Variants in DENND2B observed in about 807,000 individuals in gnomAD.
The protein encoded by DENND2B is DENN domain-containing protein 2B.
Under a neutral mutation model 116.0 loss-of-function variants are expected in DENND2B, and 32 were observed. The observed-to-expected ratio is 0.28, with a 90% CI of 0.21 to 0.37. DENND2B has a LOEUF of 0.37. DENND2B is among the 10% of genes least tolerant of loss of function. DENND2B has a pLI of 1.00. For missense variants in DENND2B, 1,276 were observed against 1,477.7 expected, an observed-to-expected ratio of 0.86 and a Z score of 2.24; for synonymous variants, 588 against 583.9, an observed-to-expected ratio of 1.01 and a Z score of -0.10.
At chr11:8,793,706 A>C (rs2059578262) in intron 1 of DENND2B, among the ~76,000 whole-genome samples, 1 of 152,102 alleles carries the variant, frequency 6.6e-6, no homozygotes, top group South Asian at 2.1e-4. Context: ...CCTTGTTTTC[A>C]ATTATTTTGG....
intron 1 of DENND2B, among the ~76,000 whole-genome samples, chr11:8,767,187 T>A (rs1033076154): frequency 2.0e-5 from 3 of 152,164 alleles, no homozygotes; most frequent in Non-Finnish European, 4.4e-5. Context: ...GACTATCAGT[T>A]TGGACTGAGT....
intron 1 of DENND2B, among the ~76,000 whole-genome samples, chr11:8,767,653 G>T (rs548933963): frequency 6.3e-4 from 96 of 152,186 alleles, no homozygotes; most frequent in African/African-American, 2.2e-3. Flanking sequence ...TATTTACAGG[G>T]ACTCACTCAT....
At chr11:8,729,633 A>G (rs16938634) in intron 3 of DENND2B, among the ~76,000 whole-genome samples, 1,657 of 152,290 alleles carry the variant, frequency 0.011, 25 homozygotes, top group African/African-American at 0.036. Context: ...CCTACTCCCA[A>G]CAGAAGACTG....
At chr11:8,902,599 G>C (rs1218823989) in intron 1 of DENND2B, among the ~76,000 whole-genome samples, 1 of 152,018 alleles carries the variant, frequency 6.6e-6, no homozygotes, top group African/African-American at 2.4e-5. Context: ...TTTGGCAAGG[G>C]GAGTCGCTTA....
At chr11:8,820,024 TA>T (rs2061704901) in intron 4 of DENND2B, among the ~76,000 whole-genome samples, 1 of 152,104 alleles carries the variant, frequency 6.6e-6, no homozygotes, top group East Asian at 1.9e-4. Flanking sequence ...GATAAGTAAA[TA>T]AAAGTATATA....
intron 1 of DENND2B, among the ~76,000 whole-genome samples, chr11:8,899,616 T>C (rs2064140646): frequency 6.6e-6 from 1 of 152,174 alleles, no homozygotes; most frequent in Non-Finnish European, 1.5e-5. Flanking sequence ...TTATAGCCTT[T>C]AAATGTGAAG....
At position 8,750,851 on chromosome 11, in the gene DENND2B, C is replaced by T. The variant is rs1054372919; in HGVS notation, c.-25-126G>A. 5.3e-6 allele frequency: 4 copies of T among 759,936 alleles called. No individual in the cohort carries two copies. In the African/African-American group the frequency reaches 7.0e-5, roughly 13 times the overall value. 47.1% of individuals were successfully genotyped at this position (759,936 alleles called of 1,614,324 possible). On this transcript the variant is annotated intron_variant, in intron 1 of 19. Transcript: ENST00000313726. ...TGGCAGGTAGTAGAAACTGCTTTCC[C>T]ACTTAATGTTTAACTCCATGTGTTA...
In DENND2B at chr11:8,730,530, A is replaced by G; in HGVS notation, c.760T>C (p.Tyr254His). ...CGGCCCAGCCGTTTCTCCAGCCGGTAGAAAGAGTCCCGGACAGGGAGCGCC... is the reference window on the plus strand; with the variant it reads ...CGGCCCAGCCGTTTCTCCAGCCGGTGGAAAGAGTCCCGGACAGGGAGCGCC... ...GEALPVRDSF[Y>H]RLEKRLGRSE... The change falls in exon 3 of 20, where the codon TAC (tyrosine) becomes CAC (histidine). Residue 254 changes from tyrosine to histidine, a missense_variant. Physicochemically the swap from Tyr to His is moderately conservative, Grantham distance 83. Transcript: ENST00000313726. This position sits in a 1 kb window ranked among gnomAD's most constrained non-coding sequence, Gnocchi z 4.1. 6.2e-7 allele frequency: 1 copy of G among 1,613,202 alleles called. No individual in the cohort carries two copies. Among genetic ancestry groups the G allele is most frequent in the East Asian group, 2.2e-5 (1 of 44,856 alleles).
chr11:8,856,752 C>CTT (rs397961269), intron 3 of DENND2B, among the ~76,000 whole-genome samples: 41 of 143,474 alleles, frequency 2.9e-4, no homozygotes, highest in Middle Eastern at 7.0e-3. Flanking sequence ...TCACTATTTT[C>CTT]TTTTTTTTTT....
At chr11:8,868,425 G>T (rs1424961373) in intron 2 of DENND2B, among the ~76,000 whole-genome samples, 1 of 152,120 alleles carries the variant, frequency 6.6e-6, no homozygotes, top group African/African-American at 2.4e-5. Context: ...TCCAGCCCTT[G>T]AGCCAGAATT....
At chr11:8,695,673 A>C in intron 18 of DENND2B, 124 bp from the exon 19 acceptor site, 1 of 793,932 alleles carries the variant, frequency 1.3e-6, no homozygotes, top group East Asian at 2.6e-5. Flanking sequence ...CTGGGATGAT[A>C]ATTTGCAGGA....
intron 18 of DENND2B, chr11:8,695,900 G>C (rs1368086289): frequency 1.2e-5 from 4 of 329,520 alleles, no homozygotes; most frequent in Non-Finnish European, 2.2e-5. Context: ...TAAATGGATA[G>C]TATTAGAGGA....
intron 1 of DENND2B, among the ~76,000 whole-genome samples, chr11:8,889,304 C>T (rs1352372230): frequency 6.6e-6 from 1 of 152,232 alleles, no homozygotes; most frequent in Non-Finnish European, 1.5e-5. Flanking sequence ...CAGTCTACAG[C>T]TCCCAGCATG....
intron 2 of DENND2B, among the ~76,000 whole-genome samples, chr11:8,746,225 G>A (rs1218377708): frequency 6.6e-6 from 1 of 151,788 alleles, no homozygotes; most frequent in Non-Finnish European, 1.5e-5. Flanking sequence ...CCCGATCTAA[G>A]GCACAGGGTC....
intron 1 of DENND2B, among the ~76,000 whole-genome samples, chr11:8,775,764 C>A (rs1448317608): frequency 1.3e-5 from 2 of 152,176 alleles, no homozygotes; most frequent in Non-Finnish European, 2.9e-5. Flanking sequence ...TTTTTCTCCA[C>A]TTTATCACCT....
At chr11:8,825,151 A>T (rs1255370048) in intron 4 of DENND2B, among the ~76,000 whole-genome samples, 2 of 152,252 alleles carry the variant, frequency 1.3e-5, no homozygotes, top group African/African-American at 4.8e-5. Flanking sequence ...ACACTACATA[A>T]ACATTCCTTT....
intron 1 of DENND2B, among the ~76,000 whole-genome samples, chr11:8,890,187 T>G (rs968431206): frequency 6.6e-6 from 1 of 152,194 alleles, no homozygotes; most frequent in South Asian, 2.1e-4. Flanking sequence ...GGGTCCTGAC[T>G]GTTAGAAGGA....
At chr11:8,698,056 C>T (rs1215628199) in intron 16 of DENND2B, 1 of 357,006 alleles carries the variant, frequency 2.8e-6, no homozygotes, top group Non-Finnish European at 5.5e-6. Context: ...GGGAGGATCA[C>T]CTGAGCCCAG....
At chr11:8,807,358 G>A (rs879684209) in intron 1 of DENND2B, among the ~76,000 whole-genome samples, 5 of 152,204 alleles carry the variant, frequency 3.3e-5, no homozygotes, top group Non-Finnish European at 7.3e-5. Flanking sequence ...CTCCCGTAAT[G>A]CAGTTCTTAG....
Sources: gnomAD v4.1 joint callset for allele counts (sites outside exome capture counted in the v4.1 genomes callset) on GRCh38, gnomAD v4.1.1 for gene constraint, Gnocchi (gnomAD v3.1) non-coding constraint, MANE v1.5 for transcripts, NCBI Gene and HGNC (gene_info 2026-07-23, HGNC 2026-07-21) for gene names.